Variants in SOX5 observed in about 807,000 individuals in gnomAD.
SOX5 encodes SRY-box transcription factor 5, also known as transcription factor SOX-5.
SOX5 carries 9 observed loss-of-function variants against 92.0 expected under a neutral mutation model. That is an observed-to-expected ratio of 0.10 (90% CI 0.06 to 0.17). The LOEUF is 0.17. Ranked by LOEUF, SOX5 falls within the 10% of genes least tolerant of loss-of-function variation. The probability of loss-of-function intolerance (pLI) is 1.00; values close to 1 mark genes in which losing one functional copy is unlikely to be tolerated. For missense variants in SOX5, 642 were observed against 944.5 expected (o/e 0.68, Z 4.20); for synonymous variants, 344 against 336.3 (o/e 1.02, Z -0.25).
intron 4 of SOX5, among the ~76,000 whole-genome samples, chr12:24,010,326 C>G (rs535878279): frequency 6.6e-6 from 1 of 152,038 alleles, no homozygotes; most frequent in Non-Finnish European, 1.5e-5. Context: ...GTCTGGCATA[C>G]AAAGATAATA....
intron 2 of SOX5, among the ~76,000 whole-genome samples, chr12:23,890,929 G>C (rs2097124493): frequency 6.6e-6 from 1 of 152,054 alleles, no homozygotes; most frequent in African/African-American, 2.4e-5. Context: ...CTTTCACATT[G>C]CTTTCAACTG....
chr12:23,770,756 T>A (rs906448832), intron 3 of SOX5, among the ~76,000 whole-genome samples: 11 of 152,178 alleles, frequency 7.2e-5, no homozygotes, highest in Non-Finnish European at 1.3e-4. Flanking sequence ...CTGGGCACTG[T>A]AAGAAGACTG....
intron 3 of SOX5, among the ~76,000 whole-genome samples, chr12:23,812,754 G>A (rs1213187896): frequency 1.3e-5 from 2 of 152,116 alleles, no homozygotes; most frequent in Non-Finnish European, 2.9e-5. Context: ...ACTGACTGAT[G>A]AAGAGCTTTG....
At chr12:23,598,387 C>CTTTTTTTTTTT (rs201719026) in intron 9 of SOX5, among the ~76,000 whole-genome samples, 2 of 95,162 alleles carry the variant, frequency 2.1e-5, no homozygotes, top group African/African-American at 4.4e-5. Flanking sequence ...TGTGCTTTAT[C>CTTTTTTTTTTT]TTTTTTTTTT....
chr12:24,018,741 G>A (rs894064807), intron 4 of SOX5, among the ~76,000 whole-genome samples: 2 of 152,046 alleles, frequency 1.3e-5, no homozygotes, highest in African/African-American at 4.8e-5. Flanking sequence ...AGGTTGCAGT[G>A]AGCTGAGATC....
At chr12:24,145,045 A>G (rs1192851612) in intron 4 of SOX5, among the ~76,000 whole-genome samples, 1 of 151,936 alleles carries the variant, frequency 6.6e-6, no homozygotes, top group Non-Finnish European at 1.5e-5. Context: ...GTAAGCCACA[A>G]TCACAGCCAT....
intron 4 of SOX5, among the ~76,000 whole-genome samples, chr12:24,001,714 G>C (rs1384035710): frequency 6.6e-6 from 1 of 152,158 alleles, no homozygotes; most frequent in South Asian, 2.1e-4. Flanking sequence ...CTGTATTTGT[G>C]TATTTGTGTG....
intron 1 of SOX5, among the ~76,000 whole-genome samples, chr12:24,466,394 A>G (rs1944241457): frequency 6.6e-6 from 1 of 152,152 alleles, no homozygotes; most frequent in African/African-American, 2.4e-5. Context: ...TATAGACACG[A>G]GCCACTGCAC....
At chr12:24,346,140 T>A (rs980119523) in intron 2 of SOX5, among the ~76,000 whole-genome samples, 7 of 152,216 alleles carry the variant, frequency 4.6e-5, no homozygotes, top group Non-Finnish European at 4.4e-5. Context: ...TTCAGGTCCT[T>A]TTATTGAAAT....
chr12:23,592,005 C>A (rs998715372), intron 9 of SOX5, among the ~76,000 whole-genome samples: 2 of 151,896 alleles, frequency 1.3e-5, no homozygotes, highest in Non-Finnish European at 2.9e-5. Flanking sequence ...CATAACAGTT[C>A]AAATTATATA....
At chr12:24,004,129 C>T (rs1951892919) in intron 4 of SOX5, among the ~76,000 whole-genome samples, 1 of 151,842 alleles carries the variant, frequency 6.6e-6, no homozygotes, top group African/African-American at 2.4e-5. Context: ...ATGCTGACCT[C>T]TCACCATAAA....
intron 2 of SOX5, among the ~76,000 whole-genome samples, chr12:24,350,426 C>T (rs1237494326): frequency 6.6e-6 from 1 of 152,210 alleles, no homozygotes; most frequent in Non-Finnish European, 1.5e-5. Context: ...CTCACTGCAA[C>T]CTCAACCTCC....
intron 4 of SOX5, among the ~76,000 whole-genome samples, chr12:24,092,279 A>AT (rs1162079698): frequency 6.6e-6 from 1 of 150,934 alleles, no homozygotes; most frequent in Non-Finnish European, 1.5e-5. Flanking sequence ...TACTGACTTG[A>AT]TTTTTCAGGC....
chr12:24,249,656 A>G (rs1939625032), intron 3 of SOX5, among the ~76,000 whole-genome samples: 1 of 152,170 alleles, frequency 6.6e-6, no homozygotes. Flanking sequence ...ACATGGCATC[A>G]CAAAGAGGGT....
chr12:23,968,675 C>T (rs1947872943), intron 4 of SOX5, among the ~76,000 whole-genome samples: 1 of 152,186 alleles, frequency 6.6e-6, no homozygotes, highest in African/African-American at 2.4e-5. Context: ...ATACATTATC[C>T]AGTCTTGGAT....
At chr12:24,343,115 T>C (rs1460913386) in intron 2 of SOX5, among the ~76,000 whole-genome samples, 2 of 152,238 alleles carry the variant, frequency 1.3e-5, no homozygotes, top group Non-Finnish European at 2.9e-5. Flanking sequence ...GCATTATGGA[T>C]CTAAAGTATC....
At chr12:23,820,509 C>T (rs2096087017) in intron 3 of SOX5, among the ~76,000 whole-genome samples, 2 of 152,140 alleles carry the variant, frequency 1.3e-5, no homozygotes, top group African/African-American at 4.8e-5. Context: ...ATGCCTATGT[C>T]CTGAATTGTA....
chr12:23,539,477 G>T (rs1941417683), intron 13 of SOX5, among the ~76,000 whole-genome samples: 1 of 152,078 alleles, frequency 6.6e-6, no homozygotes, highest in African/African-American at 2.4e-5. Context: ...GGTCAGGAAG[G>T]CTTTGCTGTA....
intron 1 of SOX5, among the ~76,000 whole-genome samples, chr12:24,404,756 C>T (rs996298382): frequency 3.9e-5 from 6 of 152,148 alleles, no homozygotes; most frequent in African/African-American, 1.2e-4. Context: ...CCTCTGAACC[C>T]TGGTGTTATG....
Sources: allele counts gnomAD v4.1 joint callset (sites outside exome capture counted in the v4.1 genomes callset), GRCh38; gene constraint gnomAD v4.1.1; transcripts MANE v1.5; gene names NCBI Gene and HGNC (gene_info 2026-07-23, HGNC 2026-07-21).